MAGI2: variants seen among roughly 807,000 people sequenced by gnomAD.
MAGI2 encodes the protein membrane associated guanylate kinase, WW and PDZ domain containing 2.
A neutral mutation model predicts 133.3 loss-of-function variants in MAGI2; 35 were observed. The observed-to-expected ratio is 0.26, with a 90% CI of 0.20 to 0.35. The LOEUF is 0.35. MAGI2 is among the 10% of genes least tolerant of loss of function. The pLI, the probability that MAGI2 is intolerant of heterozygous loss-of-function variation, is 1.00. For missense variants in MAGI2, 1,636 were observed against 1,863.4 expected (o/e 0.88, Z 2.25); for synonymous variants, 729 against 710.6 (o/e 1.03, Z -0.41).
intron 1 of MAGI2, among the ~76,000 whole-genome samples, chr7:79,265,185 T>A (rs1382355389): frequency 6.6e-6 from 1 of 152,138 alleles, no homozygotes; most frequent in African/African-American, 2.4e-5. Context: ...AGCACCATCA[T>A]CACCTGAGAA....
chr7:78,535,446 G>A (rs17437496), intron 3 of MAGI2, among the ~76,000 whole-genome samples: 1 of 152,130 alleles, frequency 6.6e-6, no homozygotes, highest in Non-Finnish European at 1.5e-5. Flanking sequence ...CAGCAAGAGT[G>A]AAAAGTCTTG....
intron 9 of MAGI2, 67 bp downstream of exon 9, chr7:78,343,711 C>G: frequency 8.2e-7 from 1 of 1,215,654 alleles, no homozygotes; most frequent in Non-Finnish European, 1.1e-6. Context: ...ACAAAAGAAG[C>G]TCCTTATATT....
intron 1 of MAGI2, among the ~76,000 whole-genome samples, chr7:79,256,745 C>T (rs1238461734): frequency 6.6e-6 from 1 of 152,056 alleles, no homozygotes; most frequent in African/African-American, 2.4e-5. Context: ...GCCACCTTGG[C>T]TTCCCAAAGT....
intron 7 of MAGI2, among the ~76,000 whole-genome samples, chr7:78,353,264 G>A (rs1791709546): frequency 6.6e-6 from 1 of 152,188 alleles, no homozygotes; most frequent in Non-Finnish European, 1.5e-5. Context: ...TCTTCTACTG[G>A]TGTCTGACAA....
intron 1 of MAGI2, among the ~76,000 whole-genome samples, chr7:79,068,574 G>T (rs116411867): frequency 0.019 from 2,901 of 152,054 alleles, 93 homozygotes; most frequent in African/African-American, 0.065. Flanking sequence ...AGGGTTTTTT[G>T]TGTGTGTATC....
At chr7:78,072,949 C>T (rs949811625) in intron 21 of MAGI2, 21 of 398,522 alleles carry the variant, frequency 5.3e-5, no homozygotes, top group African/African-American at 8.2e-5. Context: ...TGAGCCACCC[C>T]GCCTGGCTGG....
At chr7:78,496,436 A>G (rs1050170406) in intron 5 of MAGI2, among the ~76,000 whole-genome samples, 1 of 152,210 alleles carries the variant, frequency 6.6e-6, no homozygotes, top group African/African-American at 2.4e-5. Flanking sequence ...CTCCCAAACA[A>G]AGAAGTAATT....
intron 1 of MAGI2, among the ~76,000 whole-genome samples, chr7:79,407,195 T>C (rs993597327): frequency 6.6e-6 from 1 of 152,194 alleles, no homozygotes; most frequent in African/African-American, 2.4e-5. Flanking sequence ...TTGTAAAACC[T>C]TGACCTGATA....
chr7:78,051,423 T>C (rs528453263), intron 21 of MAGI2, among the ~76,000 whole-genome samples: 1 of 152,314 alleles, frequency 6.6e-6, no homozygotes, highest in South Asian at 2.1e-4. Flanking sequence ...AAACTGTACA[T>C]ATACATAAAT....
chr7:78,554,133 G>A (rs1799590473), intron 3 of MAGI2, among the ~76,000 whole-genome samples: 1 of 152,150 alleles, frequency 6.6e-6, no homozygotes, highest in African/African-American at 2.4e-5. Flanking sequence ...AGGTAGATTG[G>A]TATTGATTCA....
At chr7:78,785,379 C>A (rs1307352111) in intron 2 of MAGI2, among the ~76,000 whole-genome samples, 1 of 152,120 alleles carries the variant, frequency 6.6e-6, no homozygotes, top group African/African-American at 2.4e-5. Flanking sequence ...CCCAATAGTA[C>A]AAAACTGTGT....
At chr7:78,139,611 C>A (rs530895689) in intron 16 of MAGI2, among the ~76,000 whole-genome samples, 1 of 152,304 alleles carries the variant, frequency 6.6e-6, no homozygotes, top group Admixed American at 6.5e-5. Context: ...AGACAGCATG[C>A]CTTGCAGACA....
intron 2 of MAGI2, among the ~76,000 whole-genome samples, chr7:78,689,682 C>CTTTTTTTTTTTTTTTTCT: frequency 1.1e-5 from 1 of 92,012 alleles, no homozygotes; most frequent in Non-Finnish European, 2.0e-5. Context: ...TTGGATCTGG[C>CTTTTTTTTTTTTTTTTCT]TTTTTTTTTT....
At chr7:78,132,717 T>G (rs1821694453) in intron 18 of MAGI2, among the ~76,000 whole-genome samples, 172 bp downstream of exon 18, 1 of 152,216 alleles carries the variant, frequency 6.6e-6, no homozygotes, top group Admixed American at 6.5e-5. Context: ...CTATCTTTAC[T>G]AATAAAACCA....
intron 7 of MAGI2, among the ~76,000 whole-genome samples, chr7:78,362,433 G>A (rs1792924097): frequency 6.6e-6 from 1 of 152,132 alleles, no homozygotes; most frequent in Non-Finnish European, 1.5e-5. Flanking sequence ...ACAGAGGGTC[G>A]GGGAGGTAAG....
chr7:78,194,019 T>TA (rs1197259963), intron 12 of MAGI2, among the ~76,000 whole-genome samples: 1 of 152,148 alleles, frequency 6.6e-6, no homozygotes, highest in Non-Finnish European at 1.5e-5. Flanking sequence ...CTACGGATGA[T>TA]AAAGTTGGAA....
At chr7:78,393,415 C>T (rs1356847493) in intron 6 of MAGI2, among the ~76,000 whole-genome samples, 1 of 152,184 alleles carries the variant, frequency 6.6e-6, no homozygotes, top group East Asian at 1.9e-4. Context: ...CCAGAGACAG[C>T]AGTGTCTTTA....
intron 1 of MAGI2, among the ~76,000 whole-genome samples, chr7:79,273,409 C>G (rs918951220): frequency 2.6e-5 from 4 of 151,818 alleles, no homozygotes; most frequent in African/African-American, 9.7e-5. Flanking sequence ...CATGTTTGTT[C>G]TTTATAAGAA....
At chr7:78,193,349 T>C (rs1828415541) in intron 12 of MAGI2, among the ~76,000 whole-genome samples, 1 of 152,204 alleles carries the variant, frequency 6.6e-6, no homozygotes, top group Admixed American at 6.5e-5. Flanking sequence ...TTTAATCCTA[T>C]GCACTTCCAA....
Sources: allele counts gnomAD v4.1 joint callset (sites outside exome capture counted in the v4.1 genomes callset), GRCh38; gene constraint gnomAD v4.1.1; transcripts MANE v1.5; gene names NCBI Gene and HGNC (gene_info 2026-07-23, HGNC 2026-07-21).